Variants in BIRC2 observed in about 807,000 individuals in gnomAD.
BIRC2 encodes the protein baculoviral IAP repeat containing 2.
A neutral mutation model predicts 60.9 loss-of-function variants in BIRC2; 18 were observed. That is an observed-to-expected ratio of 0.30 (90% CI 0.20 to 0.44). BIRC2 has a LOEUF of 0.44. BIRC2 is among the 20% of genes least tolerant of loss of function. The pLI, the probability that BIRC2 is intolerant of heterozygous loss-of-function variation, is 1.00. For missense variants in BIRC2, 701 were observed against 728.5 expected (o/e 0.96, Z 0.43); for synonymous variants, 282 against 247.7 (o/e 1.14, Z -1.30).
At chr11:102,369,066 T>A (rs1204483828) in intron 6 of BIRC2, among the ~76,000 whole-genome samples, 3 of 152,166 alleles carry the variant, frequency 2.0e-5, no homozygotes, top group African/African-American at 7.2e-5. Context: ...GGAAAACTGA[T>A]TTTTGTATTC....
At chr11:102,363,588 G>C in intron 4 of BIRC2, 80 bp from the exon 5 acceptor site, 1 of 1,092,834 alleles carries the variant, frequency 9.2e-7, no homozygotes, top group South Asian at 1.4e-5. Flanking sequence ...TTTACTTAAA[G>C]TAAGCTTATT....
At chr11:102,366,963 C>T (rs573789383) in intron 5 of BIRC2, among the ~76,000 whole-genome samples, 77 of 152,278 alleles carry the variant, frequency 5.1e-4, no homozygotes, top group African/African-American at 1.7e-3. Context: ...AAGCTTTTCC[C>T]TCAATTTAAG....
At chr11:102,354,354 C>T (rs919335167) in intron 3 of BIRC2, among the ~76,000 whole-genome samples, 7 of 152,186 alleles carry the variant, frequency 4.6e-5, no homozygotes, top group African/African-American at 1.7e-4. Context: ...ACATTATAGG[C>T]ACCTGCCATC....
In BIRC2 at chr11:102,368,253, TCCATAGG is replaced by T; in HGVS notation, c.1124-52_1124-46del. On this transcript the variant is annotated intron_variant, in intron 5 of 8. Coordinates refer to ENST00000227758, the MANE Select transcript of BIRC2 (RefSeq NM_001166.5). ...TAAAGATTGTGCCATGATACTTTTT[TCCATAGG>T]TTTATGTTTGTGGAATTTAATATTA... 3.8e-6 allele frequency: 6 copies of T among 1,560,786 alleles called. No homozygotes were observed. The African/African-American group carries it at 4.1e-5, about 11-fold the overall frequency.
intron 3 of BIRC2, among the ~76,000 whole-genome samples, chr11:102,355,544 A>T (rs375692719): frequency 5.9e-5 from 9 of 151,960 alleles, no homozygotes; most frequent in African/African-American, 1.9e-4. Context: ...AGGAAGTATG[A>T]TGCCTCCAGT....
At chr11:102,369,030 A>C (rs1449437613) in intron 6 of BIRC2, among the ~76,000 whole-genome samples, 2 of 151,988 alleles carry the variant, frequency 1.3e-5, no homozygotes, top group Non-Finnish European at 2.9e-5. Flanking sequence ...CTTGATGAGA[A>C]CCACCTGCCC....
intron 3 of BIRC2, among the ~76,000 whole-genome samples, chr11:102,359,368 G>A (rs1177209098): frequency 1.3e-5 from 2 of 151,862 alleles, no homozygotes; most frequent in Non-Finnish European, 1.5e-5. Flanking sequence ...TTAGAATTAA[G>A]TAATTTACAC....
At chr11:102,371,857 T>A (rs940805034) in intron 6 of BIRC2, among the ~76,000 whole-genome samples, 5 of 152,134 alleles carry the variant, frequency 3.3e-5, no homozygotes, top group African/African-American at 1.2e-4. Flanking sequence ...CTGTTATTGG[T>A]CTATTCAGAG....
In BIRC2 at chr11:102,373,213, A is replaced by T. The variant is rs11501346; in HGVS notation, c.1367-4283A>T. On this transcript the variant is annotated intron_variant, in intron 6 of 8. Transcript: ENST00000227758. ...GTGTGAATTTGATCCTGTCATTATGATGTTAGCTGGTGATTTTGCTCGTTA... is the reference window on the plus strand; with the variant it reads ...GTGTGAATTTGATCCTGTCATTATGTTGTTAGCTGGTGATTTTGCTCGTTA... 9.7e-3 allele frequency among the ~76,000 whole-genome samples: 1,469 copies of T among 152,114 alleles called. 23 individuals are homozygous for T. Among genetic ancestry groups the T allele is most frequent in the African/African-American group, 0.034 (1,391 of 41,484 alleles).
rs1951577623 is a variant in BIRC2 at position 102,368,367 on chromosome 11, G to A, written c.1185G>A (p.Val395=). The A allele has an allele frequency of 6.2e-7, 1 of 1,613,940 alleles. No individual in the cohort carries two copies. The highest frequency in any genetic ancestry group is 1.1e-5 in the South Asian group (1 of 91,060). The part of the protein sequence containing the change: ...SEDAVMMNTP[V]VKSALEMGFN... Reference sequence around the variant, plus strand: ...ATGCTGTCATGATGAATACACCTGTGGTTAAATCTGCCTTGGAAATGGGCT... The same window carrying A: ...ATGCTGTCATGATGAATACACCTGTAGTTAAATCTGCCTTGGAAATGGGCT... The change falls in exon 6 of 9, where the codon GTG becomes GTA. Residue 395 remains valine (V), a synonymous_variant. Coordinates refer to ENST00000227758, the MANE Select transcript of BIRC2 (RefSeq NM_001166.5).
chr11:102,374,314 C>G (rs1428061116), intron 6 of BIRC2, among the ~76,000 whole-genome samples: 1 of 150,376 alleles, frequency 6.6e-6, no homozygotes, highest in South Asian at 2.1e-4. Context: ...TATTTTTGGT[C>G]TTTGATGATG....
At chr11:102,361,721 A>T (rs1951487417) in intron 3 of BIRC2, among the ~76,000 whole-genome samples, 1 of 152,004 alleles carries the variant, frequency 6.6e-6, no homozygotes, top group Non-Finnish European at 1.5e-5. Context: ...GCCACTGAGG[A>T]CTGTAATGGC....
At chr11:102,374,840 C>G (rs769765265) in intron 6 of BIRC2, among the ~76,000 whole-genome samples, 1 of 152,264 alleles carries the variant, frequency 6.6e-6, no homozygotes, top group Non-Finnish European at 1.5e-5. Context: ...GTAGGACCCT[C>G]CGAGCCAGGT....
At chr11:102,364,055 A>G (rs893615875) in intron 5 of BIRC2, among the ~76,000 whole-genome samples, 12 of 150,042 alleles carry the variant, frequency 8.0e-5, no homozygotes, top group African/African-American at 2.0e-4. Context: ...ATCTCCAAAA[A>G]AAAAGGTAGG....
At chr11:102,365,021 A>C (rs1311959630) in intron 5 of BIRC2, among the ~76,000 whole-genome samples, 1 of 152,156 alleles carries the variant, frequency 6.6e-6, no homozygotes, top group Non-Finnish European at 1.5e-5. Context: ...CTCTCTTCCC[A>C]CCTTACTGTC....
At position 102,378,545 on chromosome 11, in the gene BIRC2, G is replaced by A. The variant is rs1347949666; in HGVS notation, c.*362G>A. The A allele has an allele frequency of 6.3e-6, 1 of 157,782 alleles. No individual in the cohort carries two copies. The highest frequency in any genetic ancestry group is 1.4e-5 in the Non-Finnish European group (1 of 71,986). The allele number at this position is 157,782 out of a possible 1,614,324, so 9.8% of individuals were successfully genotyped here. ...AAAGAACTGGAAACCAGGAACTCTGGAGTTCATCAGAGTTATGGTGCCGAA... is the reference window on the plus strand; with the variant it reads ...AAAGAACTGGAAACCAGGAACTCTGAAGTTCATCAGAGTTATGGTGCCGAA... On this transcript the variant is annotated 3_prime_UTR_variant, in exon 9 of 9. Coordinates refer to ENST00000227758, the MANE Select transcript of BIRC2 (RefSeq NM_001166.5).
chr11:102,368,627 C>T, intron 6 of BIRC2, 79 bp downstream of exon 6: 3 of 1,528,736 alleles, frequency 2.0e-6, no homozygotes, highest in Non-Finnish European at 2.6e-6. Context: ...GGACACCATG[C>T]TTGTTTCACA....
intron 4 of BIRC2, 36 bp from the exon 5 acceptor site, chr11:102,363,632 C>T (rs771727354): frequency 3.9e-6 from 6 of 1,548,164 alleles, no homozygotes; most frequent in Admixed American, 1.7e-5. Context: ...TTGGGGATAT[C>T]TGCTTTTACC....
chr11:102,377,469 G>A, intron 6 of BIRC2, 27 bp from the exon 7 acceptor site: 1 of 1,566,360 alleles, frequency 6.4e-7, no homozygotes, highest in Non-Finnish European at 8.6e-7. Context: ...AAAATCTAAT[G>A]GATTTCTTTT....
Sources: allele counts gnomAD v4.1 joint callset (sites outside exome capture counted in the v4.1 genomes callset), GRCh38; gene constraint gnomAD v4.1.1; transcripts MANE v1.5; gene names NCBI Gene and HGNC (gene_info 2026-07-23, HGNC 2026-07-21).